Variants in DIPK1A observed in about 807,000 individuals in gnomAD.
DIPK1A encodes the protein family with sequence similarity 69 member A.
Under a neutral mutation model 40.8 loss-of-function variants are expected in DIPK1A, and 27 were observed. The ratio of observed to expected loss-of-function variants is 0.66; its 90% CI spans 0.49 to 0.91. The LOEUF (loss-of-function observed/expected upper bound fraction) is 0.91. Ranked by LOEUF, DIPK1A falls within the 40% of genes least tolerant of loss-of-function variation. The pLI is 0.00. For missense variants in DIPK1A, 412 were observed against 505.7 expected (o/e 0.81, Z 1.78); for synonymous variants, 166 against 171.3 (o/e 0.97, Z 0.24).
intron 2 of DIPK1A, among the ~76,000 whole-genome samples, chr1:92,851,562 A>AAAAAAAC (rs1687826700): frequency 2.2e-5 from 2 of 92,734 alleles, no homozygotes; most frequent in African/African-American, 6.8e-5. Context: ...AAAAAAAAAA[A>AAAAAAAC]CTTCTGGTTT....
chr1:92,906,370 C>T (rs1649623361), intron 1 of DIPK1A, among the ~76,000 whole-genome samples: 1 of 152,004 alleles, frequency 6.6e-6, no homozygotes. Context: ...CTAGAAGAGG[C>T]CTTGAAGATA....
intron 2 of DIPK1A, among the ~76,000 whole-genome samples, chr1:92,869,482 A>C (rs1291717315): frequency 6.6e-6 from 1 of 152,162 alleles, no homozygotes; most frequent in Non-Finnish European, 1.5e-5. Context: ...TAAGAATAGG[A>C]AAAATAAGCT....
In DIPK1A at chr1:92,842,678, T is replaced by A. The variant is rs1235494412; in HGVS notation, c.*705A>T. 1.0e-6 allele frequency: 1 copy of A among 985,400 alleles called. No homozygotes were observed. Among genetic ancestry groups the A allele is most frequent in the African/African-American group, 1.7e-5 (1 of 57,344 alleles). 61.0% of individuals were successfully genotyped at this position (985,400 alleles called of 1,614,324 possible). On this transcript the variant is annotated 3_prime_UTR_variant, in exon 5 of 5. Coordinates refer to ENST00000370310, the MANE Select transcript of DIPK1A (RefSeq NM_001006605.5). ...TCTTGATTGGGCCTTAAGATGTCAG[T>A]TTTGAAGGGCTCAGTCAGCTGCGTG...
downstream of DIPK1A, among the ~76,000 whole-genome samples, chr1:92,838,623 C>T (rs1319104782): frequency 6.6e-6 from 1 of 152,232 alleles, no homozygotes; most frequent in African/African-American, 2.4e-5. Flanking sequence ...TCCTGTGTGC[C>T]TGCTGAAATC....
At chr1:92,879,311 ATAG>A (rs1648272517) in intron 1 of DIPK1A, among the ~76,000 whole-genome samples, 1 of 152,234 alleles carries the variant, frequency 6.6e-6, no homozygotes, top group Non-Finnish European at 1.5e-5. Flanking sequence ...ATACTTGATG[ATAG>A]TAAAGGATTA....
intron 1 of DIPK1A, among the ~76,000 whole-genome samples, chr1:92,925,294 G>C (rs1650446294): frequency 6.6e-6 from 1 of 151,966 alleles, no homozygotes; most frequent in South Asian, 2.1e-4. Context: ...AATTATACTA[G>C]CCTCACAAAA....
rs1687064199 is a variant in DIPK1A, at chr1:92,835,070, C to T, written c.475-2036G>A. ...TTGTTAATGGATCTATCTAGGTCAG[C>T]TCTTTCCAATAAAATTTTCTGCAAT... On this transcript the variant is annotated intron_variant, in intron 4 of 4. Transcript: ENST00000615519. 6.6e-6 allele frequency: 7 copies of T among 1,054,292 alleles called. No homozygotes were observed. In the Admixed American group the frequency reaches 1.3e-4, roughly 19 times the overall value. The allele number at this position is 1,054,292 out of a possible 1,614,324, so 65.3% of individuals were successfully genotyped here.
intron 2 of DIPK1A, among the ~76,000 whole-genome samples, chr1:92,870,071 T>TAC (rs1491483682): frequency 7.1e-3 from 216 of 30,332 alleles, no homozygotes; most frequent in Non-Finnish European, 7.6e-3. Flanking sequence ...ACATGAATTA[T>TAC]ATATACACAC....
At chr1:92,836,254 A>G in intron 4 of DIPK1A, 1 of 1,613,848 alleles carries the variant, frequency 6.2e-7, no homozygotes, top group Non-Finnish European at 8.5e-7. Context: ...GGTGATGAAT[A>G]CAATGTGGAA....
rs573688552 is a variant in DIPK1A, at chr1:92,912,539, A to G, written c.55-36109T>C. On this transcript the variant is annotated intron_variant, in intron 1 of 4. Coordinates refer to ENST00000370310, the MANE Select transcript of DIPK1A (RefSeq NM_001006605.5). ...TATGAATATATAGGTGTAATTTTCAAAATACTATAGAATGTTAGATACCTA... is the reference window on the plus strand; with the variant it reads ...TATGAATATATAGGTGTAATTTTCAGAATACTATAGAATGTTAGATACCTA... Among the ~76,000 whole-genome samples the G allele has an allele frequency of 5.9e-5, 9 of 152,272 alleles. No individual in the cohort carries two copies. In the South Asian group the frequency reaches 1.7e-3, roughly 28 times the overall value.
chr1:92,879,923 A>G (rs911491325), intron 1 of DIPK1A, among the ~76,000 whole-genome samples: 9 of 152,218 alleles, frequency 5.9e-5, no homozygotes, highest in African/African-American at 1.4e-4. Flanking sequence ...GTGCCTAGCT[A>G]GTAATGGTAT....
intron 1 of DIPK1A, among the ~76,000 whole-genome samples, chr1:92,940,269 T>C: frequency 6.6e-6 from 1 of 152,220 alleles, no homozygotes; most frequent in East Asian, 1.9e-4. Context: ...AACTCTCCCC[T>C]GACTTGCCTT....
At chr1:92,858,258 TC>T (rs1308610205) in intron 2 of DIPK1A, among the ~76,000 whole-genome samples, 2 of 152,224 alleles carry the variant, frequency 1.3e-5, no homozygotes, top group African/African-American at 4.8e-5. Context: ...CATGACTCTT[TC>T]CACAACCATC....
chr1:92,900,071 G>T (rs1472617823), intron 1 of DIPK1A, among the ~76,000 whole-genome samples: 3 of 151,738 alleles, frequency 2.0e-5, no homozygotes, highest in Non-Finnish European at 4.4e-5. Flanking sequence ...TTTGACTTTT[G>T]ACAATTTGAC....
At chr1:92,909,715 C>G (rs1330603255) in intron 1 of DIPK1A, among the ~76,000 whole-genome samples, 2 of 152,014 alleles carry the variant, frequency 1.3e-5, no homozygotes, top group Non-Finnish European at 2.9e-5. Context: ...CAGATTTCAA[C>G]AAGCTGCAAC....
At chr1:92,934,430 GT>G (rs931078887) in intron 1 of DIPK1A, among the ~76,000 whole-genome samples, 27 of 151,438 alleles carry the variant, frequency 1.8e-4, no homozygotes, top group African/African-American at 5.8e-4. Context: ...TTCCATAAAA[GT>G]TTTTTTTTCT....
At chr1:92,961,019 G>A (rs1480763855) in intron 1 of DIPK1A, among the ~76,000 whole-genome samples, 1 of 152,224 alleles carries the variant, frequency 6.6e-6, no homozygotes, top group East Asian at 1.9e-4. Flanking sequence ...AAGGCGGCCC[G>A]TCGAGCTCCG....
intron 1 of DIPK1A, among the ~76,000 whole-genome samples, chr1:92,951,860 A>G (rs951039076): frequency 1.3e-5 from 2 of 151,900 alleles, no homozygotes; most frequent in Admixed American, 1.3e-4. Flanking sequence ...ATATTTATCA[A>G]CTGCTAACAT....
intron 1 of DIPK1A, among the ~76,000 whole-genome samples, chr1:92,912,705 CA>C (rs1649877401): frequency 6.6e-6 from 1 of 152,152 alleles, no homozygotes; most frequent in Non-Finnish European, 1.5e-5. Context: ...AACTAAAAGT[CA>C]GAGGCCAGAT....
Sources: gnomAD v4.1 joint callset for allele counts (sites outside exome capture counted in the v4.1 genomes callset) on GRCh38, gnomAD v4.1.1 for gene constraint, MANE v1.5 for transcripts, NCBI Gene and HGNC (gene_info 2026-07-23, HGNC 2026-07-21) for gene names.